The following PLEKHG2 variants were observed in gnomAD, a reference collection of about 807,000 sequenced individuals.
PLEKHG2 encodes the protein pleckstrin homology and RhoGEF domain containing G2, also known as pleckstrin homology domain-containing family G member 2.
PLEKHG2 carries 71 observed loss-of-function variants against 104.4 expected under a neutral mutation model. The observed-to-expected ratio is 0.68, with a 90% CI of 0.56 to 0.83. The LOEUF (loss-of-function observed/expected upper bound fraction) is 0.83. PLEKHG2 is among the 40% of genes least tolerant of loss of function. The pLI, the probability that PLEKHG2 is intolerant of heterozygous loss-of-function variation, is 0.00. For missense variants in PLEKHG2, 1,730 were observed against 1,809.4 expected (o/e 0.96, Z 0.80); for synonymous variants, 728 against 737.0 (o/e 0.99, Z 0.20).
Position 39,422,157 on chromosome 19 carries a change from C to T in PLEKHG2, c.1546C>T (p.Pro516Ser). The change falls in exon 17 of 19, where the codon CCA (proline) becomes TCA (serine). Residue 516 changes from proline to serine, a missense_variant. By Grantham distance (74) the Pro-to-Ser change is moderately conservative. Transcript: ENST00000425673. ...EGELYPPESQPPVSGSAPPED... is the reference protein window; with the variant it reads ...EGELYPPESQSPVSGSAPPED... ...GGAACTCTACCCTCCAGAATCTCAGCCACCAGTTTCAGGCTCTGCACCCCC... is the reference window on the plus strand; with the variant it reads ...GGAACTCTACCCTCCAGAATCTCAGTCACCAGTTTCAGGCTCTGCACCCCC... 1 of 1,612,428 alleles carries T rather than the reference C, an allele frequency of 6.2e-7. No individual in the cohort carries two copies. Among genetic ancestry groups the T allele is most frequent in the Non-Finnish European group, 8.5e-7 (1 of 1,179,352 alleles).
At position 39,415,796 on chromosome 19, in the gene PLEKHG2, G is replaced by T. The variant is rs1255689784; in HGVS notation, c.479+357G>T. ...GGCATCAGGACGAGTCCTTGGGGCT[G>T]TGTCAGGTCTGGGCTCACGATGAAT... On this transcript the variant is annotated intron_variant, in intron 4 of 18. Coordinates refer to ENST00000425673, the MANE Select transcript of PLEKHG2 (RefSeq NM_022835.3). The surrounding 1 kb of genome is among the most constrained non-coding windows in gnomAD (Gnocchi z 4.6). 6.6e-6 allele frequency among the ~76,000 whole-genome samples: 1 copy of T among 152,142 alleles called. No homozygotes were observed.
chr19:39,422,962 T>C lies in PLEKHG2; in HGVS notation c.1908T>C (p.Pro636=), dbSNP rs1600663287. The change falls in exon 18 of 19, where the codon CCT becomes CCC. Residue 636 remains proline (P), a synonymous_variant. Transcript: ENST00000425673. ...GCATTCCCTGCCTTACCAAAATTCC[T>C]GACGTGCCCAACCTTCCTGAAATTC... ...MPSIPCLTKI[P]DVPNLPEIPS... The C allele has an allele frequency of 6.2e-7, 1 of 1,614,198 alleles. No individual in the cohort carries two copies.
chr19:39,415,003 C>G lies in PLEKHG2; in HGVS notation c.121C>G (p.Pro41Ala), dbSNP rs1209375441. ...VCETRTAPAA[P>A]TMASPRGSGS... ...CCACACCCCAGCAGCTCCTGCAGCC[C>G]CCACCATGGCCTCCCCCCGAGGTTC... The change falls in exon 3 of 19, where the codon CCC becomes GCC. Residue 41 changes from proline (P) to alanine (A), a missense_variant. By Grantham distance (27) the Pro-to-Ala change is conservative (BLOSUM62 -1). Coordinates refer to ENST00000425673, the MANE Select transcript of PLEKHG2 (RefSeq NM_022835.3). The surrounding 1 kb of genome is among the most constrained non-coding windows in gnomAD (Gnocchi z 4.6). 1.3e-6 allele frequency: 2 copies of G among 1,595,936 alleles called. No individual in the cohort carries two copies. Among genetic ancestry groups the G allele is most frequent in the East Asian group, 4.5e-5 (2 of 44,186 alleles).
chr19:39,428,412 C>T lies in PLEKHG2; in HGVS notation c.*3118C>T, dbSNP rs73547972. On this transcript the variant is annotated 3_prime_UTR_variant, in exon 19 of 19. Coordinates refer to ENST00000425673, the MANE Select transcript of PLEKHG2 (RefSeq NM_022835.3). ...AATAAATATTAGCTGCTGGCTTCTG[C>T]TCACTTACTGTTTATTGACTGGCTA... 0.019 allele frequency: 2,851 copies of T among 152,354 alleles called. 63 individuals carry two copies. The highest frequency in any genetic ancestry group is 0.048 in the African/African-American group (2,012 of 41,540). The allele number at this position is 152,354 out of a possible 1,614,324, so 9.4% of individuals were successfully genotyped here. A position where few individuals can be genotyped will look rare whatever the true frequency, so the allele number is the denominator to read the frequency against.
rs757848478 is a variant in PLEKHG2 at position 39,423,396 on chromosome 19, G to A, written c.2342G>A (p.Arg781Gln). The A allele has an allele frequency of 1.1e-5, 17 of 1,610,958 alleles. No individual in the cohort carries two copies. The highest frequency in any genetic ancestry group is 8.9e-5 in the East Asian group (4 of 44,754). The change falls in exon 18 of 19, where the codon CGG becomes CAG. Residue 781 changes from arginine (R) to glutamine (Q), a missense_variant. Coordinates refer to ENST00000425673, the MANE Select transcript of PLEKHG2 (RefSeq NM_022835.3). ...WQALEQGQLARPGFPEPLLIL... is the reference protein window; with the variant it reads ...WQALEQGQLAQPGFPEPLLIL... ...GCATTGGAACAGGGACAGCTGGCCC[G>A]GCCAGGCTTCCCAGAGCCACTGCTG... is the stretch of plus-strand genomic sequence containing the variant.
intron 9 of PLEKHG2, 49 bp downstream of exon 9, chr19:39,418,154 C>G: frequency 7.2e-7 from 1 of 1,384,566 alleles, no homozygotes; most frequent in Non-Finnish European, 9.4e-7. Context: ...CAAAGTATAT[C>G]CCATATACCT....
At position 39,425,277 on chromosome 19, in the gene PLEKHG2, G is replaced by GC; in HGVS notation, c.4149dup (p.Phe1384LeufsTer12). On this transcript the variant is annotated frameshift_variant, in exon 19 of 19. Coordinates refer to ENST00000425673, the MANE Select transcript of PLEKHG2 (RefSeq NM_022835.3). LOFTEE classifies it high-confidence loss of function. ...TCACAGGGCCCAGGGGGCTCCTGAT[G>GC]CCCCCTTCCACATGTGAGCCAGGAC... The GC allele has an allele frequency of 6.2e-7, 1 of 1,611,970 alleles. No individual in the cohort carries two copies. Among genetic ancestry groups the GC allele is most frequent in the Non-Finnish European group, 8.5e-7 (1 of 1,179,510 alleles).
chr19:39,423,621 C>T lies in PLEKHG2; in HGVS notation c.2567C>T (p.Ser856Phe). The T allele has an allele frequency of 6.5e-7, 1 of 1,535,062 alleles. No individual in the cohort carries two copies. The highest frequency in any genetic ancestry group is 8.8e-7 in the Non-Finnish European group (1 of 1,142,732). ...CGGGTTCTGGCCCAACCCCAGCCAT[C>T]CCCCTGTCTGCCCCAGGAGCAGGCA... ...RPRVLAQPQP[S>F]PCLPQEQAEP... is the part of the protein sequence containing the mutation. The change falls in exon 18 of 19, where the codon TCC becomes TTC. Residue 856 changes from serine to phenylalanine, a missense_variant. Transcript: ENST00000425673.
rs543382460 is a variant in PLEKHG2, at chr19:39,423,489, G to A, written c.2435G>A (p.Arg812Lys). The A allele has an allele frequency of 3.8e-6, 6 of 1,593,144 alleles. No homozygotes were observed. In the African/African-American group the frequency reaches 6.7e-5, roughly 18 times the overall value. Reference protein sequence around the residue: ...SGKAGAPSSERTASRVRELAR... With the variant: ...SGKAGAPSSEKTASRVRELAR... The stretch of plus-strand genomic sequence containing the variant: ...AAGGCAGGAGCCCCGAGTTCAGAAA[G>A]GACGGCGTCCCGAGTGCGAGAGCTG... The change falls in exon 18 of 19, where the codon AGG becomes AAG. Residue 812 changes from arginine to lysine, a missense_variant. Physicochemically the swap from Arg to Lys is conservative, Grantham distance 26. Coordinates refer to ENST00000425673, the MANE Select transcript of PLEKHG2 (RefSeq NM_022835.3).
At chr19:39,419,358 G>C (rs1259623257) in intron 11 of PLEKHG2, among the ~76,000 whole-genome samples, 2 of 151,920 alleles carry the variant, frequency 1.3e-5, no homozygotes, top group East Asian at 3.9e-4. Context: ...GCACTTCGAG[G>C]GGGTGATGTG....
intron 9 of PLEKHG2, 115 bp from the exon 10 acceptor site, chr19:39,418,619 T>C (rs2078647555): frequency 2.6e-6 from 2 of 765,284 alleles, no homozygotes; most frequent in Non-Finnish European, 4.3e-6. Context: ...TACAGCCTTA[T>C]GGGATGCATC....
chr19:39,422,587 C>T, intron 17 of PLEKHG2, 145 bp from the exon 18 acceptor site: 1 of 981,882 alleles, frequency 1.0e-6, no homozygotes, highest in South Asian at 2.7e-5. Flanking sequence ...CAGGGTTTCA[C>T]TATGTTGGCC....
Position 39,424,551 on chromosome 19 carries a change from G to C in PLEKHG2, c.3418G>C (p.Val1140Leu). 1 of 1,614,026 alleles carries C rather than the reference G, an allele frequency of 6.2e-7. No homozygotes were observed. Among genetic ancestry groups the C allele is most frequent in the South Asian group, 1.1e-5 (1 of 91,076 alleles). ...SLSQELPDTQ[V>L]PATTPLPLPQ... ...GTCCCAGGAGCTCCCAGACACTCAGGTTCCAGCTACCACACCTTTGCCCCT... is the reference window on the plus strand; with the variant it reads ...GTCCCAGGAGCTCCCAGACACTCAGCTTCCAGCTACCACACCTTTGCCCCT... Residue 1140 changes from valine (V) to leucine (L), a missense_variant, in exon 19 of 19, where the codon GTT becomes CTT. Physicochemically the swap from Val to Leu is conservative, Grantham distance 32. Coordinates refer to ENST00000425673, the MANE Select transcript of PLEKHG2 (RefSeq NM_022835.3).
At chr19:39,420,266 G>A (rs2078677494) in intron 11 of PLEKHG2, among the ~76,000 whole-genome samples, 1 of 152,010 alleles carries the variant, frequency 6.6e-6, no homozygotes, top group Non-Finnish European at 1.5e-5. Flanking sequence ...GGCTGAGGCA[G>A]GAGAATCGCT....
rs1481688468 is a variant in PLEKHG2, at chr19:39,414,114, C to T, written c.28C>T (p.Leu10Phe). Reference protein sequence around the residue: MPEGAQGLSLSKPSPSLGCG... With the variant: MPEGAQGLSFSKPSPSLGCG... ...GCCTGAGGGAGCCCAAGGACTGAGC[C>T]TCTCCAAACCTAGCCCAAGCCTCGG... is the stretch of plus-strand genomic sequence containing the variant. Residue 10 changes from leucine (L) to phenylalanine (F), a missense_variant, in exon 2 of 19, where the codon CTC becomes TTC. Coordinates refer to ENST00000425673, the MANE Select transcript of PLEKHG2 (RefSeq NM_022835.3). 3.9e-6 allele frequency: 6 copies of T among 1,551,402 alleles called. No homozygotes were observed. The East Asian group carries it at 7.3e-5, about 19-fold the overall frequency.
intron 9 of PLEKHG2, among the ~76,000 whole-genome samples, chr19:39,418,510 C>T (rs930245970): frequency 2.0e-5 from 3 of 151,130 alleles, no homozygotes; most frequent in South Asian, 4.2e-4. Flanking sequence ...ACCCAGGAGG[C>T]GGAGGTTGCA....
At position 39,416,863 on chromosome 19, in the gene PLEKHG2, C is replaced by G. The variant is rs1452360797; in HGVS notation, c.607C>G (p.Leu203Val). 1.2e-6 allele frequency: 2 copies of G among 1,607,678 alleles called. No individual in the cohort carries two copies. The highest frequency in any genetic ancestry group is 1.7e-6 in the Non-Finnish European group (2 of 1,177,390). Residue 203 changes from leucine (L) to valine (V), a missense_variant, in exon 7 of 19, where the codon CTC (leucine) becomes GTC (valine). Physicochemically the swap from Leu to Val is conservative, Grantham distance 32 (BLOSUM62 1). Coordinates refer to ENST00000425673, the MANE Select transcript of PLEKHG2 (RefSeq NM_022835.3). This position sits in a 1 kb window ranked among gnomAD's most constrained non-coding sequence, Gnocchi z 4.5. Reference sequence around the variant, plus strand: ...CTGTGCCCCCAGCTCCCTGGCCCTGCTCCGGGAGCTGTCGTTGTCTCCGCC... The same window carrying G: ...CTGTGCCCCCAGCTCCCTGGCCCTGGTCCGGGAGCTGTCGTTGTCTCCGCC... ...CMNYPSSLAL[L>V]RELSLSPPAA...
At chr19:39,419,994 G>A (rs964471990) in intron 11 of PLEKHG2, among the ~76,000 whole-genome samples, 23 of 152,156 alleles carry the variant, frequency 1.5e-4, no homozygotes, top group Admixed American at 4.6e-4. Flanking sequence ...CGGAACTTGC[G>A]GTGAGCCGAG....
Position 39,425,201 on chromosome 19 carries a change from C to G in PLEKHG2, c.4068C>G (p.Val1356=), listed in dbSNP as rs1450363893. 6.2e-7 allele frequency: 1 copy of G among 1,612,416 alleles called. No individual in the cohort carries two copies. The highest frequency in any genetic ancestry group is 1.7e-5 in the Admixed American group (1 of 59,776). ...GGCTGCGGCCAGCCAAGGCCCAGGT[C>G]CGGTTGAACCACCCTGCTCTCTTGG... ...GGRLRPAKAQ[V]RLNHPALLAS... Residue 1356 remains valine (V), a synonymous_variant, in exon 19 of 19, where the codon GTC becomes GTG. Coordinates refer to ENST00000425673, the MANE Select transcript of PLEKHG2 (RefSeq NM_022835.3).
Sources: gnomAD v4.1 joint callset for allele counts (sites outside exome capture counted in the v4.1 genomes callset) on GRCh38, gnomAD v4.1.1 for gene constraint, Gnocchi (gnomAD v3.1) non-coding constraint, MANE v1.5 for transcripts, NCBI Gene and HGNC (gene_info 2026-07-23, HGNC 2026-07-21) for gene names.